The following METTL2B variants were observed in gnomAD, a reference collection of about 807,000 sequenced individuals.
The protein encoded by METTL2B is tRNA N(3)-cytidine methyltransferase METTL2B.
METTL2B carries 28 observed loss-of-function variants against 51.0 expected under a neutral mutation model. That is an observed-to-expected ratio of 0.55 (90% CI 0.41 to 0.75). The LOEUF is 0.75. Ranked by LOEUF, METTL2B falls within the 30% of genes least tolerant of loss-of-function variation. The probability of loss-of-function intolerance (pLI) is 0.00; values close to 1 mark genes in which losing one functional copy is unlikely to be tolerated. For synonymous variants in METTL2B, 128 were observed against 166.3 expected, an observed-to-expected ratio of 0.77 and a Z score of 1.77; for missense variants, 313 against 460.7, an observed-to-expected ratio of 0.68 and a Z score of 2.93.
At chr7:128,493,969 G>A (rs754841664) in intron 6 of METTL2B, 26 bp downstream of exon 6, 3 of 1,590,140 alleles carry the variant, frequency 1.9e-6, no homozygotes, top group African/African-American at 1.4e-5. Flanking sequence ...TTAGCTGGTA[G>A]TGTCACAAAA....
At chr7:128,500,749 A>C (rs1008261232) in intron 7 of METTL2B, among the ~76,000 whole-genome samples, 154 bp from the exon 8 acceptor site, 1 of 152,184 alleles carries the variant, frequency 6.6e-6, no homozygotes, top group Non-Finnish European at 1.5e-5. Context: ...GTTTTCTGAC[A>C]TTGTGACTTA....
In METTL2B at chr7:128,489,001, A is replaced by G. The variant is rs1302669474; in HGVS notation, c.669+840A>G. Among the ~76,000 whole-genome samples, 2 of 152,114 alleles carry G rather than the reference A, an allele frequency of 1.3e-5. 1 individual carries two copies. Among genetic ancestry groups the G allele is most frequent in the Non-Finnish European group, 2.9e-5 (2 of 68,026 alleles). ...ATGGCACATACCTGTAATTTCAGCT[A>G]CTCAGGAGGCTAAGGCAGGAGGAGA... On this transcript the variant is annotated intron_variant, in intron 5 of 8. Transcript: ENST00000262432.
rs924493521 is a variant in METTL2B at position 128,505,274 on chromosome 7, A to G, written c.*3358A>G. 2 of 150,190 alleles carry G rather than the reference A, an allele frequency of 1.3e-5. No individual in the cohort carries two copies. Among genetic ancestry groups the G allele is most frequent in the African/African-American group, 2.4e-5 (1 of 41,354 alleles). The allele number at this position is 150,190 out of a possible 1,614,324, so 9.3% of individuals were successfully genotyped here. Reference sequence around the variant, plus strand: ...CAGTGAGACTCCGTCTCAAAATAAAAAAACAAAAAAAATGTAAAAAATAAA... The same window carrying G: ...CAGTGAGACTCCGTCTCAAAATAAAGAAACAAAAAAAATGTAAAAAATAAA... On this transcript the variant is annotated 3_prime_UTR_variant, in exon 9 of 9. Coordinates refer to ENST00000262432, the MANE Select transcript of METTL2B (RefSeq NM_018396.3).
chr7:128,502,004 C>T lies in METTL2B; in HGVS notation c.*88C>T, dbSNP rs1465555517. 1 of 1,553,064 alleles carries T rather than the reference C, an allele frequency of 6.4e-7. No homozygotes were observed. Among genetic ancestry groups the T allele is most frequent in the Non-Finnish European group, 8.7e-7 (1 of 1,146,532 alleles). On this transcript the variant is annotated 3_prime_UTR_variant, in exon 9 of 9. Transcript: ENST00000262432. ...TTGTAGCACCGGGCATGGTGCATGC[C>T]TGTAATCCCAGCCACTCAGGAGGCT... is the stretch of plus-strand genomic sequence containing the variant.
intron 8 of METTL2B, chr7:128,501,561 A>G (rs1793030127): frequency 1.0e-6 from 1 of 985,326 alleles, no homozygotes; most frequent in Non-Finnish European, 1.2e-6. Context: ...TAAAAAAGAA[A>G]AAACCGCGGC....
At chr7:128,501,047 C>T in intron 8 of METTL2B, 79 bp downstream of exon 8, 1 of 1,596,928 alleles carries the variant, frequency 6.3e-7, no homozygotes, top group Non-Finnish European at 8.5e-7. Flanking sequence ...GGAAAACTAT[C>T]TGGCCCCTCC....
In METTL2B at chr7:128,503,058, G is replaced by T. The variant is rs1467531890; in HGVS notation, c.*1142G>T. On this transcript the variant is annotated 3_prime_UTR_variant, in exon 9 of 9. Coordinates refer to ENST00000262432, the MANE Select transcript of METTL2B (RefSeq NM_018396.3). ...CTGAGGCAGGTGGATCACGAGGTCA[G>T]GAGATCGAGACCATCCTGGCTAACA... The T allele has an allele frequency of 6.3e-6, 1 of 159,884 alleles. No homozygotes were observed. Among genetic ancestry groups the T allele is most frequent in the Non-Finnish European group, 1.4e-5 (1 of 72,614 alleles). 9.9% of individuals were successfully genotyped at this position (159,884 alleles called of 1,614,324 possible). A position where few individuals can be genotyped will look rare whatever the true frequency, so the allele number is the denominator to read the frequency against.
intron 5 of METTL2B, among the ~76,000 whole-genome samples, chr7:128,491,070 G>A (rs1259984225): frequency 1.4e-5 from 2 of 146,066 alleles, no homozygotes; most frequent in African/African-American, 2.5e-5. Flanking sequence ...CTGAAGAATC[G>A]CTTGAACCCA....
chr7:128,479,689 C>G (rs1299496089), intron 3 of METTL2B, among the ~76,000 whole-genome samples, 176 bp downstream of exon 3: 1 of 152,220 alleles, frequency 6.6e-6, no homozygotes, highest in Non-Finnish European at 1.5e-5. Flanking sequence ...GCCCTCAGTG[C>G]AGACCAGATA....
chr7:128,497,430 A>G (rs1792943367), intron 6 of METTL2B, among the ~76,000 whole-genome samples: 5 of 152,320 alleles, frequency 3.3e-5, no homozygotes, highest in Non-Finnish European at 7.3e-5. Flanking sequence ...AAAGATGGCT[A>G]TCTAGGACAG....
In METTL2B at chr7:128,502,451, A is replaced by G. The variant is rs1314215101; in HGVS notation, c.*535A>G. The G allele has an allele frequency of 3.0e-6, 1 of 334,792 alleles. No homozygotes were observed. The highest frequency in any genetic ancestry group is 2.3e-5 in the African/African-American group (1 of 43,896). The allele number at this position is 334,792 out of a possible 1,614,324, so 20.7% of individuals were successfully genotyped here. A position where few individuals can be genotyped will look rare whatever the true frequency, so the allele number is the denominator to read the frequency against. ...ATGCCGGGCTAGGCAATTGCAGTTA[A>G]TACATACAGGGGTTAGTGAAGGGCT... On this transcript the variant is annotated 3_prime_UTR_variant, in exon 9 of 9. Coordinates refer to ENST00000262432, the MANE Select transcript of METTL2B (RefSeq NM_018396.3).
In METTL2B at chr7:128,493,949, T is replaced by G. The variant is rs1470070560; in HGVS notation, c.809+6T>G. Reference sequence around the variant, plus strand: ...TCAGCAGTTGTTCCAGACAAGTAAGTTTGGGTCCCTTAGCTGGTAGTGTCA... The same window carrying G: ...TCAGCAGTTGTTCCAGACAAGTAAGGTTGGGTCCCTTAGCTGGTAGTGTCA... On this transcript the variant is annotated splice_donor_region_variant and intron_variant, in intron 6 of 8. Transcript: ENST00000262432. 5 of 1,589,832 alleles carry G rather than the reference T, an allele frequency of 3.1e-6. No homozygotes were observed. In the African/African-American group the frequency reaches 5.5e-5, roughly 17 times the overall value.
intron 7 of METTL2B, among the ~76,000 whole-genome samples, chr7:128,499,215 CAGTT>C (rs1175879784): frequency 6.6e-6 from 1 of 152,206 alleles, no homozygotes; most frequent in Non-Finnish European, 1.5e-5. Context: ...AGTGTTTAGT[CAGTT>C]CACAGAAGAA....
chr7:128,490,246 G>A (rs992467501), intron 5 of METTL2B, among the ~76,000 whole-genome samples: 32 of 148,840 alleles, frequency 2.1e-4, no homozygotes, highest in African/African-American at 7.4e-4. Flanking sequence ...CTGGTTGAAA[G>A]AAAGAAAGAA....
chr7:128,502,554 CA>C lies in METTL2B; in HGVS notation c.*639del, dbSNP rs1393618932. 1.3e-5 allele frequency: 6 copies of C among 452,962 alleles called. No individual in the cohort carries two copies. The highest frequency in any genetic ancestry group is 2.7e-5 in the Non-Finnish European group (6 of 226,364). The allele number at this position is 452,962 out of a possible 1,614,324, so 28.1% of individuals were successfully genotyped here. A position where few individuals can be genotyped will look rare whatever the true frequency, so the allele number is the denominator to read the frequency against. ...GACAAGAAAAAAATGACCCTGTAGA[CA>C]GCATCAAAATGTGGTGTTCTTGTTA... On this transcript the variant is annotated 3_prime_UTR_variant, in exon 9 of 9. Coordinates refer to ENST00000262432, the MANE Select transcript of METTL2B (RefSeq NM_018396.3).
At position 128,498,024 on chromosome 7, in the gene METTL2B, G is replaced by A; in HGVS notation, c.810-12G>A. ...GAGACCTGATTAACTATAATTCCCT[G>A]TGTCTCCACAGGATGCAGAAGGCTA... On this transcript the variant is annotated splice_polypyrimidine_tract_variant and intron_variant, in intron 6 of 8. Coordinates refer to ENST00000262432, the MANE Select transcript of METTL2B (RefSeq NM_018396.3). The A allele has an allele frequency of 2.5e-6, 4 of 1,613,306 alleles. No individual in the cohort carries two copies. The highest frequency in any genetic ancestry group is 2.5e-6 in the Non-Finnish European group (3 of 1,179,538).
intron 5 of METTL2B, among the ~76,000 whole-genome samples, chr7:128,491,373 A>T (rs557669377): frequency 4.3e-4 from 66 of 152,120 alleles, no homozygotes; most frequent in South Asian, 2.1e-3. Context: ...AGACGGGCAG[A>T]TCATCTGAGG....
At chr7:128,480,526 A>C in intron 3 of METTL2B, 121 bp from the exon 4 acceptor site, 3 of 1,465,472 alleles carry the variant, frequency 2.0e-6, no homozygotes, top group South Asian at 2.7e-5. Flanking sequence ...AGCTCTGGTC[A>C]CTACACCTTC....
At chr7:128,497,456 G>T (rs1792943763) in intron 6 of METTL2B, among the ~76,000 whole-genome samples, 1 of 152,182 alleles carries the variant, frequency 6.6e-6, no homozygotes, top group Admixed American at 6.6e-5. Context: ...AAGTGATCCA[G>T]ATGGAGAGCA....
Sources: allele counts gnomAD v4.1 joint callset (sites outside exome capture counted in the v4.1 genomes callset), GRCh38; gene constraint gnomAD v4.1.1; transcripts MANE v1.5; gene names NCBI Gene and HGNC (gene_info 2026-07-23, HGNC 2026-07-21).